Variants in DOCK2 observed in about 807,000 individuals in gnomAD.
DOCK2 encodes dedicator of cytokinesis protein 2.
In DOCK2, 87 loss-of-function variants were observed where a neutral mutation model predicts 248.9. The ratio of observed to expected loss-of-function variants is 0.35; its 90% confidence interval spans 0.29 to 0.42. The LOEUF (loss-of-function observed/expected upper bound fraction) is 0.42, where lower values mean the gene tolerates loss of function less well. Ranked by LOEUF, DOCK2 falls within the 10% of genes least tolerant of loss-of-function variation. DOCK2 has a pLI of 1.00. For synonymous variants in DOCK2, 805 were observed against 821.6 expected (o/e 0.98, Z 0.35); for missense variants, 1,747 against 2,300.2 (o/e 0.76, Z 4.92).
At chr5:170,022,449 C>G (rs997091023) in intron 33 of DOCK2, among the ~76,000 whole-genome samples, 2 of 152,070 alleles carry the variant, frequency 1.3e-5, no homozygotes, top group Non-Finnish European at 2.9e-5. Context: ...TCATAGACAG[C>G]TGATGGGTTT....
At chr5:170,001,576 A>G (rs900832414) in intron 30 of DOCK2, among the ~76,000 whole-genome samples, 5 of 152,182 alleles carry the variant, frequency 3.3e-5, no homozygotes, top group Admixed American at 3.3e-4. Context: ...CCTGATCTCT[A>G]AAATGGGGAG....
intron 27 of DOCK2, among the ~76,000 whole-genome samples, chr5:169,850,856 T>C (rs1042996032): frequency 2.0e-5 from 3 of 148,996 alleles, no homozygotes; most frequent in African/African-American, 7.3e-5. Flanking sequence ...ACGAAAAACT[T>C]TAATGGCTGG....
rs1448588113 is a variant in DOCK2, at chr5:170,082,854, T to A, written c.5489T>A (p.Leu1830Gln). 1.2e-6 allele frequency: 2 copies of A among 1,614,074 alleles called. No individual in the cohort carries two copies. The highest frequency in any genetic ancestry group is 3.3e-5 in the Admixed American group (2 of 60,010). ...ATCCCAGACTCGCTGTCCACGGACCTGTGAGCTGCTGCTGACTAGGGCTGC... is the reference window on the plus strand; with the variant it reads ...ATCCCAGACTCGCTGTCCACGGACCAGTGAGCTGCTGCTGACTAGGGCTGC... ...KQIPDSLSTD[L>Q] The change falls in exon 52 of 52, where the codon CTG becomes CAG. Residue 1830 changes from leucine (L) to glutamine (Q), a missense_variant. Physicochemically the swap from Leu to Gln is moderately radical, Grantham distance 113. Coordinates refer to ENST00000520908, the MANE Select transcript of DOCK2 (RefSeq NM_004946.3).
chr5:169,978,528 G>A (rs550082755), intron 27 of DOCK2, among the ~76,000 whole-genome samples: 16 of 152,116 alleles, frequency 1.1e-4, no homozygotes, highest in African/African-American at 3.9e-4. Flanking sequence ...ATGCAAAAGA[G>A]TGGAATGATT....
intron 35 of DOCK2, 55 bp downstream of exon 35, chr5:170,034,610 C>T: frequency 1.2e-6 from 2 of 1,600,992 alleles, no homozygotes; most frequent in Non-Finnish European, 1.7e-6. Flanking sequence ...GGGGCTTGGG[C>T]TTGGCTTTGG....
chr5:170,044,388 T>C (rs1756625058), intron 38 of DOCK2, among the ~76,000 whole-genome samples: 1 of 152,222 alleles, frequency 6.6e-6, no homozygotes, highest in African/African-American at 2.4e-5. Flanking sequence ...TTAGTGACTG[T>C]TGGAGGTCCC....
intron 43 of DOCK2, chr5:170,057,167 T>C (rs1404507967): frequency 5.6e-6 from 2 of 355,218 alleles, no homozygotes; most frequent in Admixed American, 4.4e-5. Flanking sequence ...CCAGCTAGGA[T>C]TCAAACAAGA....
chr5:169,946,688 T>C (rs1287714511), intron 27 of DOCK2, among the ~76,000 whole-genome samples: 2 of 152,304 alleles, frequency 1.3e-5, no homozygotes, highest in South Asian at 2.1e-4. Context: ...TACGTTCTAA[T>C]GGGGTGGGGA....
At chr5:169,840,700 C>T (rs1423417069) in intron 26 of DOCK2, 57 bp from the exon 27 acceptor site, 9 of 1,535,598 alleles carry the variant, frequency 5.9e-6, no homozygotes, top group Admixed American at 3.4e-5. Context: ...GTCCTTTGTA[C>T]AATTGTTCAG....
Position 169,961,978 on chromosome 5 carries a change from C to CAAAAAAAAAAAAAAAAAAAAAAAAAA in DOCK2, c.2800-21073_2800-21072insAAAAAAAAAAAAAAAAAAAAAAAAAA, listed in dbSNP as rs70979150. Among the ~76,000 whole-genome samples the CAAAAAAAAAAAAAAAAAAAAAAAAAA allele has an allele frequency of 2.0e-4, 15 of 74,632 alleles. 5 individuals are homozygous for CAAAAAAAAAAAAAAAAAAAAAAAAAA. Among genetic ancestry groups the CAAAAAAAAAAAAAAAAAAAAAAAAAA allele is most frequent in the East Asian group, 1.3e-3 (3 of 2,288 alleles). 49.0% of individuals were successfully genotyped at this position (74,632 alleles called of 152,430 possible). ...TGGGTGAAAAAGTGAGACTCTGTCC[C>CAAAAAAAAAAAAAAAAAAAAAAAAAA]AAAAAAAAAAAAAAAAATGGAGAAA... is the stretch of plus-strand genomic sequence containing the variant. On this transcript the variant is annotated intron_variant, in intron 27 of 51. Coordinates refer to ENST00000520908, the MANE Select transcript of DOCK2 (RefSeq NM_004946.3).
intron 27 of DOCK2, among the ~76,000 whole-genome samples, chr5:169,935,617 G>A (rs555394075): frequency 6.0e-4 from 92 of 152,266 alleles, no homozygotes; most frequent in Non-Finnish European, 9.6e-4. Context: ...CCTACTTTGC[G>A]GTGAAATGAA....
At chr5:169,668,496 C>T (rs1042446743) in intron 2 of DOCK2, among the ~76,000 whole-genome samples, 5 of 152,094 alleles carry the variant, frequency 3.3e-5, no homozygotes, top group African/African-American at 9.7e-5. Flanking sequence ...TCTGTCAGCC[C>T]GGTAATGAGG....
chr5:169,747,283 C>A, intron 22 of DOCK2, 113 bp from the exon 23 acceptor site: 3 of 886,840 alleles, frequency 3.4e-6, no homozygotes, highest in Non-Finnish European at 5.1e-6. Flanking sequence ...CCTTGAAGTC[C>A]CCACCTCCCA....
At chr5:169,878,276 A>G (rs1333212804) in intron 27 of DOCK2, among the ~76,000 whole-genome samples, 1 of 151,320 alleles carries the variant, frequency 6.6e-6, no homozygotes, top group Non-Finnish European at 1.5e-5. Flanking sequence ...CTCCACCTTC[A>G]TGGTTTTTGC....
chr5:170,003,740 G>T (rs1314177374), intron 30 of DOCK2, among the ~76,000 whole-genome samples: 1 of 152,218 alleles, frequency 6.6e-6, no homozygotes, highest in African/African-American at 2.4e-5. Flanking sequence ...TTAAAAGCCA[G>T]GTGGGTTCAT....
At chr5:169,681,638 ACT>A in intron 6 of DOCK2, 104 bp from the exon 7 acceptor site, 2 of 1,354,452 alleles carry the variant, frequency 1.5e-6, no homozygotes, top group Non-Finnish European at 1.0e-6. Context: ...CTTCTATGTG[ACT>A]ATATGACCCC....
chr5:169,808,366 G>T (rs1173795451), intron 26 of DOCK2, among the ~76,000 whole-genome samples: 3 of 152,050 alleles, frequency 2.0e-5, no homozygotes, highest in African/African-American at 7.2e-5. Context: ...TCATTGTTTG[G>T]GTAATTACAG....
At chr5:169,953,264 C>T (rs1418095733) in intron 27 of DOCK2, among the ~76,000 whole-genome samples, 3 of 147,654 alleles carry the variant, frequency 2.0e-5, no homozygotes, top group Non-Finnish European at 4.4e-5. Flanking sequence ...ACCCAGGAGG[C>T]GGAGGTTGCA....
intron 27 of DOCK2, among the ~76,000 whole-genome samples, chr5:169,848,547 A>G (rs957521173): frequency 2.0e-5 from 3 of 152,224 alleles, no homozygotes; most frequent in African/African-American, 7.2e-5. Flanking sequence ...CTGCCACCCC[A>G]GTGATGGGGA....
Sources: gnomAD v4.1 joint callset for allele counts (sites outside exome capture counted in the v4.1 genomes callset) on GRCh38, gnomAD v4.1.1 for gene constraint, MANE v1.5 for transcripts, NCBI Gene and HGNC (gene_info 2026-07-23, HGNC 2026-07-21) for gene names.